Variants in PDSS2 observed in about 807,000 individuals in gnomAD.
The protein encoded by PDSS2 is decaprenyl diphosphate synthase subunit 2.
In PDSS2, 31 loss-of-function variants were observed where a neutral mutation model predicts 44.5. That is an observed-to-expected ratio of 0.70 (90% CI 0.52 to 0.94). The LOEUF (loss-of-function observed/expected upper bound fraction) is 0.94. PDSS2 is among the 40% of genes least tolerant of loss of function. PDSS2 has a pLI of 0.00. For missense variants in PDSS2, 452 were observed against 482.2 expected (o/e 0.94, Z 0.59); for synonymous variants, 157 against 180.3 (o/e 0.87, Z 1.03).
In PDSS2 at chr6:107,225,137, T is replaced by TATATATATATATATATATTTA. The variant is rs1446558243; in HGVS notation, c.703-12856_703-12855insTAAATATATATATATATATAT. 5.1e-4 allele frequency among the ~76,000 whole-genome samples: 32 copies of TATATATATATATATATATTTA among 62,376 alleles called. 8 individuals carry two copies. In the East Asian group the frequency reaches 6.2e-3, roughly 12 times the overall value. 40.9% of individuals were successfully genotyped at this position (62,376 alleles called of 152,430 possible). On this transcript the variant is annotated intron_variant, in intron 4 of 7. Coordinates refer to ENST00000369037, the MANE Select transcript of PDSS2 (RefSeq NM_020381.4). ...AGGAAGCTTCACTATATATATATTT[T>TATATATATATATATATATTTA]TATATATATATATATATATATATAT...
intron 3 of PDSS2, among the ~76,000 whole-genome samples, chr6:107,266,016 CCTT>C (rs1468031245): frequency 6.6e-6 from 1 of 152,174 alleles, no homozygotes; most frequent in Admixed American, 6.5e-5. Context: ...GCCACCTCCT[CCTT>C]CTAAAAAAAC....
At chr6:107,396,862 A>G (rs529580549) in intron 1 of PDSS2, among the ~76,000 whole-genome samples, 3 of 150,494 alleles carry the variant, frequency 2.0e-5, no homozygotes, top group Non-Finnish European at 4.4e-5. Context: ...CTGATTTTTT[A>G]TTTTTATTTT....
At chr6:107,388,481 C>G (rs1252941096) in intron 1 of PDSS2, among the ~76,000 whole-genome samples, 1 of 148,202 alleles carries the variant, frequency 6.7e-6, no homozygotes, top group Non-Finnish European at 1.5e-5. Flanking sequence ...CGGAGTCTCG[C>G]TCTGTCGCCC....
chr6:107,155,478 T>A (rs1554245389), intron 7 of PDSS2, among the ~76,000 whole-genome samples: 1 of 152,082 alleles, frequency 6.6e-6, no homozygotes, highest in Non-Finnish European at 1.5e-5. Flanking sequence ...GAGGAAGGCT[T>A]CACTAATATC....
intron 1 of PDSS2, among the ~76,000 whole-genome samples, chr6:107,428,681 T>G (rs1158521117): frequency 6.6e-6 from 1 of 152,142 alleles, no homozygotes; most frequent in Non-Finnish European, 1.5e-5. Context: ...AAGAAATTTT[T>G]TTTTAATTAT....
At chr6:107,334,629 C>T (rs1443812573) in intron 1 of PDSS2, among the ~76,000 whole-genome samples, 1 of 151,544 alleles carries the variant, frequency 6.6e-6, no homozygotes, top group Non-Finnish European at 1.5e-5. Context: ...CAGCCTCAAC[C>T]TCCCGGTCCT....
chr6:107,361,086 T>A (rs186015079), intron 1 of PDSS2, among the ~76,000 whole-genome samples: 91 of 152,240 alleles, frequency 6.0e-4, no homozygotes, highest in African/African-American at 2.1e-3. Context: ...CCAAATCCTA[T>A]TTGGAAAACC....
intron 2 of PDSS2, among the ~76,000 whole-genome samples, chr6:107,289,401 GA>G (rs1040811136): frequency 1.4e-5 from 2 of 148,140 alleles, no homozygotes; most frequent in African/African-American, 4.9e-5. Flanking sequence ...GAAAGAAAAA[GA>G]AATGGAGGCC....
chr6:107,284,977 G>A (rs574645944), intron 2 of PDSS2, among the ~76,000 whole-genome samples: 1 of 152,252 alleles, frequency 6.6e-6, no homozygotes, highest in Admixed American at 6.5e-5. Context: ...CGTACAGAAG[G>A]CAGCTAGGCT....
At chr6:107,264,481 T>C (rs1444426836) in intron 3 of PDSS2, 2 of 1,547,566 alleles carry the variant, frequency 1.3e-6, no homozygotes, top group Non-Finnish European at 1.7e-6. Flanking sequence ...TCCCATCTGA[T>C]ATATAGCAAT....
intron 1 of PDSS2, among the ~76,000 whole-genome samples, chr6:107,402,239 C>T (rs941502533): frequency 4.7e-5 from 7 of 148,896 alleles, no homozygotes; most frequent in Non-Finnish European, 1.0e-4. Flanking sequence ...GAGATTGCGC[C>T]ATTACACTCC....
chr6:107,365,168 A>G (rs757432564), intron 1 of PDSS2, among the ~76,000 whole-genome samples: 112 of 152,298 alleles, frequency 7.4e-4, no homozygotes, highest in Non-Finnish European at 1.3e-3. Flanking sequence ...AGATATGATT[A>G]CATAAAGCAA....
At chr6:107,300,974 T>G (rs1048762437) in intron 2 of PDSS2, among the ~76,000 whole-genome samples, 2 of 152,154 alleles carry the variant, frequency 1.3e-5, no homozygotes, top group African/African-American at 4.8e-5. Context: ...TAATCATCTT[T>G]TAATCTTCCC....
chr6:107,334,118 ATGG>A, intron 2 of PDSS2, 77 bp downstream of exon 2: 1 of 1,190,460 alleles, frequency 8.4e-7, no homozygotes, highest in South Asian at 1.2e-5. Context: ...ATGACAAAGA[ATGG>A]TGATTTCCAC....
At chr6:107,343,274 T>C (rs1208964164) in intron 1 of PDSS2, among the ~76,000 whole-genome samples, 2 of 152,200 alleles carry the variant, frequency 1.3e-5, no homozygotes, top group African/African-American at 2.4e-5. Flanking sequence ...ATTTTTTTTT[T>C]CATTTAGATA....
intron 1 of PDSS2, among the ~76,000 whole-genome samples, chr6:107,366,115 G>C (rs1299169145): frequency 6.6e-6 from 1 of 152,002 alleles, no homozygotes; most frequent in Non-Finnish European, 1.5e-5. Flanking sequence ...AGCACACGTG[G>C]AACATTCTCA....
chr6:107,242,171 T>C (rs1442549803), intron 4 of PDSS2, among the ~76,000 whole-genome samples: 1 of 152,186 alleles, frequency 6.6e-6, no homozygotes, highest in Non-Finnish European at 1.5e-5. Context: ...TAACCTAAAT[T>C]GGACCTGAGG....
At chr6:107,339,024 G>GT (rs756778047) in intron 1 of PDSS2, among the ~76,000 whole-genome samples, 7 of 152,108 alleles carry the variant, frequency 4.6e-5, no homozygotes, top group African/African-American at 1.4e-4. Flanking sequence ...GAGCCAGGCC[G>GT]TAAGTATTAC....
At chr6:107,426,325 G>A (rs1781002119) in intron 1 of PDSS2, among the ~76,000 whole-genome samples, 1 of 152,198 alleles carries the variant, frequency 6.6e-6, no homozygotes, top group South Asian at 2.1e-4. Context: ...GTGTATAGAA[G>A]TCAAGAACCG....
Sources: allele counts gnomAD v4.1 joint callset (sites outside exome capture counted in the v4.1 genomes callset), GRCh38; gene constraint gnomAD v4.1.1; transcripts MANE v1.5; gene names NCBI Gene and HGNC (gene_info 2026-07-23, HGNC 2026-07-21).